The following NDUFAF6 variants were observed in gnomAD, a reference collection of about 807,000 sequenced individuals.
The protein encoded by NDUFAF6 is NADH:ubiquinone oxidoreductase complex assembly factor 6.
NDUFAF6 carries 45 observed loss-of-function variants against 40.8 expected under a neutral mutation model. The ratio of observed to expected loss-of-function variants is 1.10; its 90% CI spans 0.87 to 1.42. The LOEUF (loss-of-function observed/expected upper bound fraction) is 1.42, where lower values mean the gene tolerates loss of function less well. Ranked by LOEUF, NDUFAF6 falls within the 40% of genes most tolerant of loss-of-function variation. The pLI is 0.00. For missense variants in NDUFAF6, 435 were observed against 418.5 expected, an observed-to-expected ratio of 1.04 and a Z score of -0.34; for synonymous variants, 185 against 155.9, an observed-to-expected ratio of 1.19 and a Z score of -1.39.
At chr8:95,072,694 C>G (rs1832907429) in intron 9 of NDUFAF6, 1 of 152,426 alleles carries the variant, frequency 6.6e-6, no homozygotes, top group Non-Finnish European at 1.5e-5. Context: ...GCACTAGTGG[C>G]CAAGTTGCCC....
chr8:94,933,208 C>T (rs553744281), intron 1 of NDUFAF6, among the ~76,000 whole-genome samples: 58 of 152,020 alleles, frequency 3.8e-4, no homozygotes, highest in African/African-American at 1.4e-3. Flanking sequence ...AGTGAGACTC[C>T]GTGTTAAAAT....
intron 1 of NDUFAF6, among the ~76,000 whole-genome samples, chr8:95,027,729 A>G (rs1174850286): frequency 6.6e-6 from 1 of 152,244 alleles, no homozygotes; most frequent in East Asian, 1.9e-4. Flanking sequence ...AGTTTAAAAA[A>G]TAAAAATAAA....
intron 1 of NDUFAF6, chr8:94,932,172 C>T (rs749447135): frequency 8.3e-5 from 127 of 1,539,046 alleles, no homozygotes; most frequent in Middle Eastern, 1.7e-4. Flanking sequence ...TGTAACTTTA[C>T]TATTAGGACG....
At chr8:95,081,143 CTTTTTTTTTTTTTTTTTTTTTTTTT>C (rs559573385), downstream of NDUFAF6, among the ~76,000 whole-genome samples, 2 of 57,712 alleles carry the variant, frequency 3.5e-5, no homozygotes, top group Non-Finnish European at 5.8e-5. Context: ...AGTCCTGCAT[CTTTTTTTTTTTTTTTTTTTTTTTTT>C]TTTTTTTTTT....
intron 1 of NDUFAF6, among the ~76,000 whole-genome samples, chr8:94,911,935 A>T (rs915897795): frequency 1.3e-5 from 2 of 152,146 alleles, no homozygotes; most frequent in African/African-American, 2.4e-5. Context: ...CTGGGCCCAC[A>T]CTTGGTTTTC....
At chr8:95,043,448 T>C (rs141321502) in intron 4 of NDUFAF6, among the ~76,000 whole-genome samples, 38 of 149,484 alleles carry the variant, frequency 2.5e-4, no homozygotes, top group Middle Eastern at 3.7e-3. Context: ...ATAGATAGAT[T>C]GGACTAAAAG....
At chr8:95,057,090 C>T (rs1265825872) in intron 8 of NDUFAF6, among the ~76,000 whole-genome samples, 1 of 152,120 alleles carries the variant, frequency 6.6e-6, no homozygotes, top group African/African-American at 2.4e-5. Flanking sequence ...CTCTAGGGGG[C>T]GCTGCTTATG....
intron 2 of NDUFAF6, among the ~76,000 whole-genome samples, chr8:94,990,299 G>A (rs1224371515): frequency 6.6e-6 from 1 of 152,138 alleles, no homozygotes; most frequent in Admixed American, 6.6e-5. Context: ...GATGGGACAG[G>A]AATCACCAGC....
At chr8:94,930,374 G>T in intron 1 of NDUFAF6, 3 of 1,448,514 alleles carry the variant, frequency 2.1e-6, no homozygotes, top group Non-Finnish European at 2.8e-6. Context: ...CTATGTGATT[G>T]GTTATCAATT....
At chr8:95,059,998 C>G (rs981322499), downstream of NDUFAF6, among the ~76,000 whole-genome samples, 1 of 151,822 alleles carries the variant, frequency 6.6e-6, no homozygotes, top group African/African-American at 2.4e-5. Flanking sequence ...CAGCAATCAT[C>G]TAGGCGTCTT....
At chr8:94,897,689 A>C (rs1817732866) in intron 1 of NDUFAF6, among the ~76,000 whole-genome samples, 1 of 131,386 alleles carries the variant, frequency 7.6e-6, no homozygotes. Context: ...TAGCCCACCC[A>C]TTTCTTTATT....
At chr8:94,954,616 G>A (rs952415179), upstream of NDUFAF6, among the ~76,000 whole-genome samples, 5 of 152,112 alleles carry the variant, frequency 3.3e-5, no homozygotes, top group Admixed American at 6.6e-5. Context: ...AGAACCAAAG[G>A]GCATAGAAGA....
intron 2 of NDUFAF6, among the ~76,000 whole-genome samples, chr8:95,012,319 C>A (rs1361619479): frequency 1.3e-5 from 2 of 152,160 alleles, no homozygotes; most frequent in African/African-American, 4.8e-5. Flanking sequence ...CGTGTTTATG[C>A]TCATTTAATT....
intron 8 of NDUFAF6, 143 bp from the exon 9 acceptor site, chr8:95,057,666 T>A (rs1436872707): frequency 3.0e-6 from 2 of 672,684 alleles, no homozygotes; most frequent in Non-Finnish European, 5.0e-6. Context: ...TCTTTCTCTC[T>A]TTTAAAATTC....
intron 3 of NDUFAF6, among the ~76,000 whole-genome samples, chr8:95,038,802 G>C (rs1829806298): frequency 6.6e-6 from 1 of 151,224 alleles, no homozygotes; most frequent in East Asian, 2.0e-4. Context: ...CTCAGCCTCC[G>C]GAGTAGCTGG....
intron 2 of NDUFAF6, among the ~76,000 whole-genome samples, chr8:95,087,230 A>G (rs899061641): frequency 5.3e-5 from 8 of 152,306 alleles, no homozygotes; most frequent in African/African-American, 1.9e-4. Context: ...AACTTTTCAT[A>G]CTTGCATCTT....
At chr8:94,940,799 A>G in intron 1 of NDUFAF6, 1 of 1,531,400 alleles carries the variant, frequency 6.5e-7, no homozygotes, top group Non-Finnish European at 9.0e-7. Context: ...TACTGTGAAG[A>G]TGAACCACCA....
chr8:95,062,025 G>A (rs1832583003), downstream of NDUFAF6, among the ~76,000 whole-genome samples: 1 of 152,128 alleles, frequency 6.6e-6, no homozygotes, highest in East Asian at 1.9e-4. Context: ...GGGCATAGTG[G>A]CAATGTCTGT....
intron 2 of NDUFAF6, among the ~76,000 whole-genome samples, chr8:95,089,109 G>A (rs1296729376): frequency 6.6e-6 from 1 of 151,864 alleles, no homozygotes; most frequent in Non-Finnish European, 1.5e-5. Flanking sequence ...CGTCTAGGCT[G>A]TAGTGCAGTG....
Sources: gnomAD v4.1 joint callset for allele counts (sites outside exome capture counted in the v4.1 genomes callset) on GRCh38, gnomAD v4.1.1 for gene constraint, MANE v1.5 for transcripts, NCBI Gene and HGNC (gene_info 2026-07-23, HGNC 2026-07-21) for gene names.